The following DEDD variants were observed in gnomAD, a reference collection of about 807,000 sequenced individuals.
The protein encoded by DEDD is death effector domain containing, also known as death effector domain-containing protein.
Under a neutral mutation model 29.2 loss-of-function variants are expected in DEDD, and 3 were observed. The ratio of observed to expected loss-of-function variants is 0.10; its 90% CI spans 0.05 to 0.27. The LOEUF is 0.27. Among genes scored for constraint, DEDD ranks in the 10% least tolerant of loss-of-function variants. DEDD has a pLI of 1.00. For synonymous variants in DEDD, 152 were observed against 161.3 expected, an observed-to-expected ratio of 0.94 and a Z score of 0.44; for missense variants, 261 against 420.5, an observed-to-expected ratio of 0.62 and a Z score of 3.32.
In DEDD at chr1:161,122,647, T is replaced by G; in HGVS notation, c.581-124A>C. On this transcript the variant is annotated intron_variant, in intron 5 of 5. Coordinates refer to ENST00000368006, the MANE Select transcript of DEDD (RefSeq NM_032998.3). The surrounding 1 kb of genome is among the most constrained non-coding windows in gnomAD (Gnocchi z 4.2). ...AGGGAATATCACCTGACAGCTTCTC[T>G]ACCTCTTCCCCAGGACTATTTCTAT... The G allele has an allele frequency of 1.7e-5, 21 of 1,231,136 alleles. No homozygotes were observed. The highest frequency in any genetic ancestry group is 2.2e-5 in the Non-Finnish European group (20 of 894,694). 76.3% of individuals were successfully genotyped at this position (1,231,136 alleles called of 1,614,324 possible). A position where few individuals can be genotyped will look rare whatever the true frequency, so the allele number is the denominator to read the frequency against.
Position 161,124,419 on chromosome 1 carries a change from T to G in DEDD, c.44A>C (p.Glu15Ala). The G allele has an allele frequency of 6.2e-7, 1 of 1,610,128 alleles. No individual in the cohort carries two copies. The change falls in exon 3 of 6, where the codon GAG becomes GCG. Residue 15 changes from glutamate (E) to alanine (A), a missense_variant. Glu to Ala is a moderately radical substitution (Grantham distance 107). Coordinates refer to ENST00000368006, the MANE Select transcript of DEDD (RefSeq NM_032998.3). ...KRRASQVWPE[E>A]HGEQEHGLYS... Reference sequence around the variant, plus strand: ...CAGCCCATGTTCCTGCTCACCATGCTCTTCTGGCCACACCTGGCTTGCCCG... The same window carrying G: ...CAGCCCATGTTCCTGCTCACCATGCGCTTCTGGCCACACCTGGCTTGCCCG...
chr1:161,124,032 CTAAG>C, intron 3 of DEDD, 86 bp from the exon 4 acceptor site: 2 of 1,581,544 alleles, frequency 1.3e-6, no homozygotes, highest in Non-Finnish European at 1.7e-6. Context: ...ACAACTTACT[CTAAG>C]TACTCCCCAG....
At chr1:161,126,633 C>A (rs747432995) in intron 2 of DEDD, among the ~76,000 whole-genome samples, 2 of 152,096 alleles carry the variant, frequency 1.3e-5, no homozygotes, top group Non-Finnish European at 2.9e-5. Context: ...TGAGCCACCA[C>A]GCCTGGCCGA....
At position 161,122,291 on chromosome 1, in the gene DEDD, T is replaced by C. The variant is rs1352408756; in HGVS notation, c.813A>G (p.Ala271=). 1.2e-6 allele frequency: 2 copies of C among 1,614,222 alleles called. No homozygotes were observed. The highest frequency in any genetic ancestry group is 1.7e-5 in the Admixed American group (1 of 60,024). The change falls in exon 6 of 6, where the codon GCA becomes GCG. Residue 271 remains alanine, a synonymous_variant. Transcript: ENST00000368006. The surrounding 1 kb of genome is among the most constrained non-coding windows in gnomAD (Gnocchi z 4.2). ...AGTCTGTGATGAAGACACCTTTAAG[T>C]GCCTCTAATAAAGAGCCATTGATGT... ...RDYINGSLLE[A]LKGVFITDSL... is the part of the protein sequence containing the mutation.
chr1:161,124,258 A>C lies in DEDD; in HGVS notation c.205T>G (p.Leu69Val), dbSNP rs1213021017. Residue 69 changes from leucine to valine, a missense_variant, in exon 3 of 6, where the codon TTG becomes GTG. Physicochemically the swap from Leu to Val is conservative, Grantham distance 32. Transcript: ENST00000368006. Reference sequence around the variant, plus strand: ...CAGCGGCCCTGGCGCTCCAGTGCCAATAAGAAGTCACGTCCATTTCGGATG... The same window carrying C: ...CAGCGGCCCTGGCGCTCCAGTGCCACTAAGAAGTCACGTCCATTTCGGATG... ...GLIRNGRDFL[L>V]ALERQGRCDE... is the part of the protein sequence containing the mutation. The C allele has an allele frequency of 3.7e-6, 6 of 1,614,120 alleles. No individual in the cohort carries two copies. Among genetic ancestry groups the C allele is most frequent in the Non-Finnish European group, 5.1e-6 (6 of 1,180,046 alleles).
rs1482874249 is a variant in DEDD at position 161,121,053 on chromosome 1, AATAATC to A, written c.*1088_*1093del. On this transcript the variant is annotated 3_prime_UTR_variant, in exon 6 of 6. Transcript: ENST00000368006. The stretch of plus-strand genomic sequence containing the variant: ...GAGCAGCACTGGCATTGAAAAATAT[AATAATC>A]ATAAAGTCTGTGTCTGGACATCGCC... 15 of 1,269,394 alleles carry A rather than the reference AATAATC, an allele frequency of 1.2e-5. No individual in the cohort carries two copies. Among genetic ancestry groups the A allele is most frequent in the Non-Finnish European group, 1.4e-5 (14 of 1,000,896 alleles). 78.6% of individuals were successfully genotyped at this position (1,269,394 alleles called of 1,614,324 possible).
At chr1:161,130,772 TC>T (rs1016920792) in intron 2 of DEDD, 42 bp downstream of exon 2, 2 of 152,128 alleles carry the variant, frequency 1.3e-5, no homozygotes, top group Admixed American at 6.6e-5. Flanking sequence ...CTATTTCCAT[TC>T]CCTTCCATTG....
intron 2 of DEDD, among the ~76,000 whole-genome samples, chr1:161,127,074 T>C (rs1656257850): frequency 6.6e-6 from 1 of 152,224 alleles, no homozygotes; most frequent in Admixed American, 6.5e-5. Context: ...AGAGATATAT[T>C]CATCTTTATA....
In DEDD at chr1:161,122,523, T is replaced by G; in HGVS notation, c.581A>C (p.Asp194Ala). 1 of 1,612,850 alleles carries G rather than the reference T, an allele frequency of 6.2e-7. No homozygotes were observed. The highest frequency in any genetic ancestry group is 8.5e-7 in the Non-Finnish European group (1 of 1,178,986). Residue 194 changes from aspartate to alanine, a missense_variant and splice_region_variant, in exon 6 of 6, where the codon GAC (aspartate) becomes GCC (alanine). Transcript: ENST00000368006. The surrounding 1 kb of genome is among the most constrained non-coding windows in gnomAD (Gnocchi z 4.2). The part of the protein sequence containing the change: ...TPDPKEKQTC[D>A]IRLRVRAEYC... ...TTCAGCCCGAACCCGCAGTCTGATGTCTGTTGGAAACAGAAGATACAGAGC... is the reference window on the plus strand; with the variant it reads ...TTCAGCCCGAACCCGCAGTCTGATGGCTGTTGGAAACAGAAGATACAGAGC...
intron 2 of DEDD, chr1:161,124,808 A>T (rs1194784129): frequency 1.5e-5 from 3 of 202,068 alleles, no homozygotes; most frequent in African/African-American, 7.0e-5. Flanking sequence ...AAAAAAAGAA[A>T]AAATTAGCTG....
At position 161,121,100 on chromosome 1, in the gene DEDD, G is replaced by A. The variant is rs1557974397; in HGVS notation, c.*1047C>T. 2.3e-5 allele frequency: 26 copies of A among 1,152,886 alleles called. 1 individual carries two copies. In the South Asian group the frequency reaches 5.3e-4, roughly 23 times the overall value. The allele number at this position is 1,152,886 out of a possible 1,614,324, so 71.4% of individuals were successfully genotyped here. On this transcript the variant is annotated 3_prime_UTR_variant, in exon 6 of 6. Transcript: ENST00000368006. Reference sequence around the variant, plus strand: ...GGACATCGCCTTTGGGAACTAGAAGGGGAGTTGGTATTGTACCAGCTGGAC... The same window carrying A: ...GGACATCGCCTTTGGGAACTAGAAGAGGAGTTGGTATTGTACCAGCTGGAC...
intron 3 of DEDD, 70 bp downstream of exon 3, chr1:161,124,068 G>A: frequency 6.3e-7 from 1 of 1,578,322 alleles, no homozygotes; most frequent in Middle Eastern, 1.7e-4. Flanking sequence ...CCTCCCCTTT[G>A]GACGCCTATG....
chr1:161,122,544 A>G lies in DEDD; in HGVS notation c.581-21T>C, dbSNP rs370774543. The G allele has an allele frequency of 4.0e-5, 64 of 1,604,046 alleles. 1 individual carries two copies. In the South Asian group the frequency reaches 6.5e-4, roughly 16 times the overall value. On this transcript the variant is annotated intron_variant, in intron 5 of 5. Coordinates refer to ENST00000368006, the MANE Select transcript of DEDD (RefSeq NM_032998.3). This position sits in a 1 kb window ranked among gnomAD's most constrained non-coding sequence, Gnocchi z 4.2. ...GATGTCTGTTGGAAACAGAAGATAC[A>G]GAGCAGAAGAGGTTACAGTAAGGGA...
At position 161,121,194 on chromosome 1, in the gene DEDD, A is replaced by C. The variant is rs1655453116; in HGVS notation, c.*953T>G. ...CTACCTAAATAAAAGTGCAACACTC[A>C]GTGCATGTCCCAGCCCCATTCTCCC... On this transcript the variant is annotated 3_prime_UTR_variant, in exon 6 of 6. Transcript: ENST00000368006. The C allele has an allele frequency of 9.7e-7, 1 of 1,028,834 alleles. No individual in the cohort carries two copies. Among genetic ancestry groups the C allele is most frequent in the Admixed American group, 5.2e-5 (1 of 19,332 alleles). The allele number at this position is 1,028,834 out of a possible 1,614,324, so 63.7% of individuals were successfully genotyped here.
rs972484755 is a variant in DEDD, at chr1:161,121,987, G to A, written c.*160C>T. 1 of 930,048 alleles carries A rather than the reference G, an allele frequency of 1.1e-6. No individual in the cohort carries two copies. The highest frequency in any genetic ancestry group is 1.7e-5 in the South Asian group (1 of 57,670). The allele number at this position is 930,048 out of a possible 1,614,324, so 57.6% of individuals were successfully genotyped here. Reference sequence around the variant, plus strand: ...CAGGCACATGGGTGCAGGGAGGGGTGGGGAATACCACTTCCACTTTCTTTT... The same window carrying A: ...CAGGCACATGGGTGCAGGGAGGGGTAGGGAATACCACTTCCACTTTCTTTT... On this transcript the variant is annotated 3_prime_UTR_variant, in exon 6 of 6. Coordinates refer to ENST00000368006, the MANE Select transcript of DEDD (RefSeq NM_032998.3).
Position 161,123,821 on chromosome 1 carries a change from G to T in DEDD, c.433+18C>A, listed in dbSNP as rs749533503. 1.3e-6 allele frequency: 2 copies of T among 1,592,516 alleles called. No individual in the cohort carries two copies. The highest frequency in any genetic ancestry group is 1.7e-6 in the Non-Finnish European group (2 of 1,162,300). ...TTTACTTGATGATGGAAAGCAGGGG[G>T]AGTTAATGTCTTCTCACCTGTTTTA... is the stretch of plus-strand genomic sequence containing the variant. On this transcript the variant is annotated intron_variant, in intron 4 of 5. Coordinates refer to ENST00000368006, the MANE Select transcript of DEDD (RefSeq NM_032998.3).
At chr1:161,123,653 A>G (rs1655810146) in intron 4 of DEDD, among the ~76,000 whole-genome samples, 186 bp downstream of exon 4, 1 of 145,292 alleles carries the variant, frequency 6.9e-6, no homozygotes. Flanking sequence ...AAAAAAAAAA[A>G]GACAAGACAT....
intron 1 of DEDD, 25 bp downstream of exon 1, chr1:161,132,526 C>G (rs1461363827): frequency 1.3e-5 from 2 of 154,566 alleles, no homozygotes; most frequent in East Asian, 1.9e-4. Context: ...TCCCTCTCCC[C>G]ACTCCGGCCG....
At position 161,124,316 on chromosome 1, in the gene DEDD, A is replaced by G. The variant is rs1424560309; in HGVS notation, c.147T>C (p.Phe49=). ...GCTCGTGGTCATCAATGACATCAACAAAGAGGAAAGAAAGCACGCGCACAT... is the reference window on the plus strand; with the variant it reads ...GCTCGTGGTCATCAATGACATCAACGAAGAGGAAAGAAAGCACGCGCACAT... ...HRDVRVLSFL[F]VDVIDDHERG... Residue 49 remains phenylalanine, a synonymous_variant, in exon 3 of 6, where the codon TTT becomes TTC. Transcript: ENST00000368006. 6.2e-7 allele frequency: 1 copy of G among 1,614,250 alleles called. No individual in the cohort carries two copies. Among genetic ancestry groups the G allele is most frequent in the East Asian group, 2.2e-5 (1 of 44,892 alleles).
Sources: gnomAD v4.1 joint callset for allele counts (sites outside exome capture counted in the v4.1 genomes callset) on GRCh38, gnomAD v4.1.1 for gene constraint, Gnocchi (gnomAD v3.1) non-coding constraint, MANE v1.5 for transcripts, NCBI Gene and HGNC (gene_info 2026-07-23, HGNC 2026-07-21) for gene names.